Variants in PRKG1 observed in about 807,000 individuals in gnomAD.
PRKG1 encodes cGMP-dependent protein kinase 1.
In PRKG1, 35 loss-of-function variants were observed where a neutral mutation model predicts 88.1. That is an observed-to-expected ratio of 0.40 (90% confidence interval 0.30 to 0.53). PRKG1 has a LOEUF of 0.53. Among genes scored for constraint, PRKG1 ranks in the 20% least tolerant of loss-of-function variants. The pLI is 0.59. For missense variants in PRKG1, 540 were observed against 839.8 expected (o/e 0.64, Z 4.41); for synonymous variants, 303 against 292.5 (o/e 1.04, Z -0.37).
chr10:51,880,141 G>T (rs1452368476), intron 4 of PRKG1, among the ~76,000 whole-genome samples: 1 of 151,956 alleles, frequency 6.6e-6, no homozygotes, highest in African/African-American at 2.4e-5. Context: ...AAAATATTTT[G>T]TGTGATACTA....
intron 2 of PRKG1, among the ~76,000 whole-genome samples, chr10:51,236,508 C>CTT (rs200767015): frequency 1.4e-5 from 2 of 138,440 alleles, no homozygotes; most frequent in Non-Finnish European, 1.6e-5. Flanking sequence ...AAACCAGGTT[C>CTT]TTTTTTTTTT....
chr10:51,619,911 T>C (rs1014308602), intron 3 of PRKG1, among the ~76,000 whole-genome samples: 5 of 152,176 alleles, frequency 3.3e-5, no homozygotes, highest in African/African-American at 7.2e-5. Flanking sequence ...GTTTGCTTCC[T>C]GTGTATGAGT....
At chr10:51,536,126 G>C (rs527357162) in intron 3 of PRKG1, among the ~76,000 whole-genome samples, 3 of 152,154 alleles carry the variant, frequency 2.0e-5, no homozygotes, top group Non-Finnish European at 4.4e-5. Context: ...GCGACAAAGT[G>C]ATTGTTTTGT....
intron 3 of PRKG1, among the ~76,000 whole-genome samples, chr10:51,786,509 A>T (rs944677007): frequency 6.6e-6 from 1 of 152,104 alleles, no homozygotes; most frequent in East Asian, 1.9e-4. Context: ...CACTTTTTCC[A>T]TGGGGAACTC....
At chr10:51,872,824 T>A (rs1304197012) in intron 4 of PRKG1, among the ~76,000 whole-genome samples, 2 of 152,152 alleles carry the variant, frequency 1.3e-5, no homozygotes, top group African/African-American at 4.8e-5. Context: ...ATGAAATTAT[T>A]GAGTTTGGGA....
intron 2 of PRKG1, among the ~76,000 whole-genome samples, chr10:51,426,627 A>T (rs927996424): frequency 6.6e-6 from 1 of 152,208 alleles, no homozygotes; most frequent in African/African-American, 2.4e-5. Flanking sequence ...AATTAAGTAG[A>T]CAAAAATAGA....
intron 17 of PRKG1, among the ~76,000 whole-genome samples, chr10:52,290,798 G>A: frequency 6.6e-6 from 1 of 152,166 alleles, no homozygotes; most frequent in African/African-American, 2.4e-5. Flanking sequence ...TGAGCTTACA[G>A]TGAGCTGTGA....
intron 3 of PRKG1, among the ~76,000 whole-genome samples, chr10:51,515,157 A>G (rs1268594136): frequency 6.6e-6 from 1 of 152,220 alleles, no homozygotes; most frequent in Non-Finnish European, 1.5e-5. Context: ...ATACTCAATT[A>G]TATATATTTT....
intron 4 of PRKG1, among the ~76,000 whole-genome samples, chr10:51,820,461 T>C (rs138237603): frequency 5.9e-5 from 9 of 152,290 alleles, no homozygotes; most frequent in Non-Finnish European, 8.8e-5. Flanking sequence ...GAGCACCTGT[T>C]GTGTGGTAGG....
intron 4 of PRKG1, among the ~76,000 whole-genome samples, chr10:51,899,202 A>G (rs1180384067): frequency 6.6e-6 from 1 of 152,086 alleles, no homozygotes; most frequent in East Asian, 1.9e-4. Context: ...GTGATTCTTC[A>G]ACTTAGGTTG....
intron 2 of PRKG1, among the ~76,000 whole-genome samples, chr10:51,284,907 T>TA (rs1840399295): frequency 6.7e-6 from 1 of 149,402 alleles, no homozygotes; most frequent in Non-Finnish European, 1.5e-5. Flanking sequence ...TTTTTTTTTT[T>TA]ATTATACTTT....
chr10:51,096,880 A>C (rs1169312473), intron 1 of PRKG1, among the ~76,000 whole-genome samples: 1 of 152,198 alleles, frequency 6.6e-6, no homozygotes, highest in African/African-American at 2.4e-5. Context: ...GTCACAACTG[A>C]GAAGAGGGTA....
intron 2 of PRKG1, among the ~76,000 whole-genome samples, chr10:51,429,841 A>G (rs973604163): frequency 6.6e-6 from 1 of 152,102 alleles, no homozygotes; most frequent in African/African-American, 2.4e-5. Context: ...AAAAGAATAT[A>G]CAAGAAAATG....
intron 2 of PRKG1, among the ~76,000 whole-genome samples, chr10:51,174,394 C>T (rs1837135067): frequency 6.6e-6 from 1 of 151,814 alleles, no homozygotes; most frequent in Non-Finnish European, 1.5e-5. Context: ...CATGGTAAAT[C>T]CAAATATTTA....
intron 1 of PRKG1, among the ~76,000 whole-genome samples, chr10:51,097,133 T>C (rs910820167): frequency 1.4e-4 from 21 of 152,298 alleles, no homozygotes; most frequent in African/African-American, 4.8e-4. Context: ...TGGGTGCATA[T>C]AATGCTGGTT....
rs1840650564 is a variant in PRKG1, at chr10:51,674,137, G to A, written c.593-130448G>A. On this transcript the variant is annotated intron_variant, in intron 3 of 17. Coordinates refer to ENST00000373980, the MANE Select transcript of PRKG1 (RefSeq NM_006258.4). ...ATTATGCAAGGCTAGAATTTAAATGGCCTATCTTAAAAGTGAACTGGAAGT... is the reference window on the plus strand; with the variant it reads ...ATTATGCAAGGCTAGAATTTAAATGACCTATCTTAAAAGTGAACTGGAAGT... Among the ~76,000 whole-genome samples, 5 of 152,152 alleles carry A rather than the reference G, an allele frequency of 3.3e-5. No individual in the cohort carries two copies. The South Asian group carries it at 1.0e-3, about 32-fold the overall frequency.
intron 4 of PRKG1, among the ~76,000 whole-genome samples, chr10:51,833,945 T>C (rs1840065607): frequency 6.6e-6 from 1 of 152,162 alleles, no homozygotes; most frequent in African/African-American, 2.4e-5. Flanking sequence ...ATAAGTGAGA[T>C]CATATGGTCT....
intron 1 of PRKG1, among the ~76,000 whole-genome samples, chr10:51,052,005 A>G (rs975132098): frequency 6.6e-6 from 1 of 152,192 alleles, no homozygotes; most frequent in African/African-American, 2.4e-5. Context: ...TGGTAACAGA[A>G]AAAAGATAAA....
intron 3 of PRKG1, among the ~76,000 whole-genome samples, chr10:51,550,577 A>G (rs1315222948): frequency 6.6e-6 from 1 of 151,934 alleles, no homozygotes; most frequent in Non-Finnish European, 1.5e-5. Flanking sequence ...ACTATTCTAG[A>G]TTTCCTGTTA....
Sources: gnomAD v4.1 joint callset for allele counts (sites outside exome capture counted in the v4.1 genomes callset) on GRCh38, gnomAD v4.1.1 for gene constraint, MANE v1.5 for transcripts, NCBI Gene and HGNC (gene_info 2026-07-23, HGNC 2026-07-21) for gene names.